BNC2: variants seen among roughly 807,000 people sequenced by gnomAD.
BNC2 encodes basonuclin zinc finger protein 2, also known as zinc finger protein basonuclin-2.
In BNC2, 20 loss-of-function variants were observed where a neutral mutation model predicts 76.3. The ratio of observed to expected loss-of-function variants is 0.26; its 90% CI spans 0.18 to 0.38. The LOEUF (loss-of-function observed/expected upper bound fraction) is 0.38, where lower values mean the gene tolerates loss of function less well. Ranked by LOEUF, BNC2 falls within the 10% of genes least tolerant of loss-of-function variation. BNC2 has a pLI of 1.00. For synonymous variants in BNC2, 582 were observed against 514.8 expected, an observed-to-expected ratio of 1.13 and a Z score of -1.77; for missense variants, 1,382 against 1,399.8, an observed-to-expected ratio of 0.99 and a Z score of 0.20.
At chr9:16,860,701 G>A (rs963491707) in intron 1 of BNC2, among the ~76,000 whole-genome samples, 1 of 152,124 alleles carries the variant, frequency 6.6e-6, no homozygotes, top group African/African-American at 2.4e-5. Flanking sequence ...TGATAAATTA[G>A]ACTTCATCAA....
At chr9:16,742,418 C>G (rs976016371) in intron 1 of BNC2, among the ~76,000 whole-genome samples, 1 of 152,196 alleles carries the variant, frequency 6.6e-6, no homozygotes, top group Admixed American at 6.5e-5. Flanking sequence ...TCTGCATTAG[C>G]AGAACTCAGC....
At chr9:16,555,549 C>G (rs913381930) in intron 4 of BNC2, among the ~76,000 whole-genome samples, 1 of 152,110 alleles carries the variant, frequency 6.6e-6, no homozygotes, top group African/African-American at 2.4e-5. Flanking sequence ...GTAATCCCAG[C>G]ACTTTGGGAG....
intron 1 of BNC2, among the ~76,000 whole-genome samples, chr9:16,746,118 G>A (rs1235891769): frequency 1.3e-5 from 2 of 152,072 alleles, no homozygotes; most frequent in Non-Finnish European, 2.9e-5. Flanking sequence ...AGCAAAGCCT[G>A]GACCATTTTT....
At chr9:16,710,724 C>T (rs560951017) in intron 3 of BNC2, among the ~76,000 whole-genome samples, 1 of 152,216 alleles carries the variant, frequency 6.6e-6, no homozygotes, top group African/African-American at 2.4e-5. Context: ...CATTATGGTA[C>T]CATTAATCCC....
chr9:16,693,303 C>G (rs1173975039), intron 3 of BNC2, among the ~76,000 whole-genome samples: 1 of 152,042 alleles, frequency 6.6e-6, no homozygotes, highest in Non-Finnish European at 1.5e-5. Context: ...TAAAGAGTTT[C>G]CAGAGAACGT....
intron 3 of BNC2, among the ~76,000 whole-genome samples, chr9:16,683,630 T>TAA (rs1822889429): frequency 6.6e-6 from 1 of 152,190 alleles, no homozygotes. Context: ...ACACATGACA[T>TAA]GGCAAGAATG....
intron 1 of BNC2, among the ~76,000 whole-genome samples, chr9:16,740,753 C>T (rs543830271): frequency 1.3e-5 from 2 of 151,936 alleles, no homozygotes; most frequent in East Asian, 1.9e-4. Context: ...AGAGAGAAAA[C>T]GATATTGAAG....
At chr9:16,805,098 G>T (rs1192610172) in intron 1 of BNC2, among the ~76,000 whole-genome samples, 1 of 152,022 alleles carries the variant, frequency 6.6e-6, no homozygotes, top group Non-Finnish European at 1.5e-5. Flanking sequence ...CTGTTTGGTA[G>T]GTAACACCAC....
At chr9:16,870,556 GC>G (rs1819657666) in intron 1 of BNC2, 89 bp downstream of exon 1, 12 of 1,486,636 alleles carry the variant, frequency 8.1e-6, no homozygotes, top group East Asian at 7.3e-5. Context: ...GGCGGACACG[GC>G]CCCCGGGCGG....
At chr9:16,723,627 T>C (rs1367312224) in intron 3 of BNC2, among the ~76,000 whole-genome samples, 1 of 152,146 alleles carries the variant, frequency 6.6e-6, no homozygotes, top group Non-Finnish European at 1.5e-5. Context: ...TTTAAATGGA[T>C]TCTAGCAATG....
At chr9:16,703,112 T>C (rs1359381593) in intron 3 of BNC2, among the ~76,000 whole-genome samples, 1 of 152,174 alleles carries the variant, frequency 6.6e-6, no homozygotes, top group East Asian at 1.9e-4. Flanking sequence ...TCTTCCCCTC[T>C]TGGATTATGA....
At chr9:16,635,606 T>C (rs1821299833) in intron 3 of BNC2, among the ~76,000 whole-genome samples, 1 of 152,204 alleles carries the variant, frequency 6.6e-6, no homozygotes, top group Non-Finnish European at 1.5e-5. Context: ...ATACTGCAGA[T>C]TTTTGTGTGT....
At chr9:16,638,959 T>C (rs1283255706) in intron 3 of BNC2, among the ~76,000 whole-genome samples, 2 of 152,174 alleles carry the variant, frequency 1.3e-5, no homozygotes, top group Non-Finnish European at 2.9e-5. Context: ...ATGTCTAGCA[T>C]AGCAATGTAA....
chr9:16,870,252 C>G (rs1452099508), intron 1 of BNC2, among the ~76,000 whole-genome samples: 1 of 152,146 alleles, frequency 6.6e-6, no homozygotes, highest in Non-Finnish European at 1.5e-5. Flanking sequence ...TCCCCGAGCT[C>G]CTGCCAGCGC....
At chr9:16,453,865 T>A (rs955801698) in intron 5 of BNC2, among the ~76,000 whole-genome samples, 1 of 152,214 alleles carries the variant, frequency 6.6e-6, no homozygotes, top group South Asian at 2.1e-4. Context: ...GATTTAAGCA[T>A]AAATTCTTTA....
intron 5 of BNC2, among the ~76,000 whole-genome samples, chr9:16,452,440 T>A (rs895342312): frequency 9.9e-5 from 15 of 152,252 alleles, no homozygotes; most frequent in Admixed American, 5.2e-4. Context: ...TATTATTATT[T>A]TTTAGACAGT....
chr9:16,821,300 A>T (rs764540419), intron 1 of BNC2, among the ~76,000 whole-genome samples: 7 of 152,116 alleles, frequency 4.6e-5, no homozygotes, highest in Non-Finnish European at 1.0e-4. Context: ...AAACAGCAAC[A>T]GGGTCTGCAG....
chr9:16,743,960 G>GTTTGT lies in BNC2; in HGVS notation c.4-5480_4-5476dup, dbSNP rs759062635. Among the ~76,000 whole-genome samples the GTTTGT allele has an allele frequency of 3.2e-4, 48 of 148,972 alleles. No individual in the cohort carries two copies. In the South Asian group the frequency reaches 9.8e-3, roughly 30 times the overall value. Reference sequence around the variant, plus strand: ...CTTTTATTCCTACAGACTGCAGTTTGTTTGTTTGTTTGTTTGTTTGTTTGG... The same window carrying GTTTGT: ...CTTTTATTCCTACAGACTGCAGTTTGTTTGTTTTGTTTGTTTGTTTGTTTGTTTGG... On this transcript the variant is annotated intron_variant, in intron 1 of 6. Coordinates refer to ENST00000380672, the MANE Select transcript of BNC2 (RefSeq NM_017637.6).
chr9:16,751,662 G>GTGTATATA (rs1563926963), intron 1 of BNC2, among the ~76,000 whole-genome samples: 1,821 of 83,160 alleles, frequency 0.022, 65 homozygotes, highest in African/African-American at 0.051. Context: ...ATATATATAT[G>GTGTATATA]TATGTATGTG....
Sources: gnomAD v4.1 joint callset for allele counts (sites outside exome capture counted in the v4.1 genomes callset) on GRCh38, gnomAD v4.1.1 for gene constraint, MANE v1.5 for transcripts, NCBI Gene and HGNC (gene_info 2026-07-23, HGNC 2026-07-21) for gene names.